Variants in ETV6 observed in about 807,000 individuals in gnomAD.
The protein encoded by ETV6 is transcription factor ETV6.
A neutral mutation model predicts 51.1 loss-of-function variants in ETV6; 16 were observed. The ratio of observed to expected loss-of-function variants is 0.31; its 90% confidence interval spans 0.21 to 0.48. The LOEUF is 0.48. Ranked by LOEUF, ETV6 falls within the 20% of genes least tolerant of loss-of-function variation. ETV6 has a pLI of 0.99. For synonymous variants in ETV6, 240 were observed against 224.1 expected, an observed-to-expected ratio of 1.07 and a Z score of -0.64; for missense variants, 458 against 594.8, an observed-to-expected ratio of 0.77 and a Z score of 2.39.
intron 1 of ETV6, among the ~76,000 whole-genome samples, chr12:11,675,913 GAA>G (rs2120720405): frequency 6.6e-6 from 1 of 152,088 alleles, no homozygotes; most frequent in African/African-American, 2.4e-5. Context: ...AAAAGGGAGA[GAA>G]ATTGATGCAG....
Position 11,744,461 on chromosome 12 carries a change from C to G in ETV6, c.34-7989C>G, listed in dbSNP as rs139849834. On this transcript the variant is annotated intron_variant, in intron 1 of 7. Transcript: ENST00000396373. ...AAAAGGTGGATCACAAGCTTAGAGG[C>G]ATTGCTGGATAAATTCAACAGCAAG... is the stretch of plus-strand genomic sequence containing the variant. Among the ~76,000 whole-genome samples the G allele has an allele frequency of 2.6e-5, 4 of 152,324 alleles. No individual in the cohort carries two copies. The East Asian group carries it at 7.7e-4, about 29-fold the overall frequency.
intron 2 of ETV6, among the ~76,000 whole-genome samples, chr12:11,813,105 G>GCCAA (rs1350140984): frequency 6.6e-6 from 1 of 152,262 alleles, no homozygotes; most frequent in Non-Finnish European, 1.5e-5. Flanking sequence ...GCCAGCCGGA[G>GCCAA]CCAACAGCTT....
At chr12:11,770,262 C>A (rs1048632733) in intron 2 of ETV6, among the ~76,000 whole-genome samples, 6 of 152,090 alleles carry the variant, frequency 3.9e-5, no homozygotes, top group African/African-American at 2.4e-5. Context: ...TGCCTTCTCA[C>A]GTGCCTGACA....
intron 2 of ETV6, among the ~76,000 whole-genome samples, chr12:11,819,940 T>C (rs1382488465): frequency 1.3e-5 from 2 of 152,246 alleles, no homozygotes; most frequent in African/African-American, 2.4e-5. Flanking sequence ...TGACTCCTTG[T>C]AGCCTTAGGA....
intron 2 of ETV6, among the ~76,000 whole-genome samples, chr12:11,805,405 T>G (rs1440946096): frequency 6.6e-6 from 1 of 152,198 alleles, no homozygotes; most frequent in East Asian, 1.9e-4. Flanking sequence ...TCTATCTGGT[T>G]TAGTGGGACG....
At chr12:11,659,612 C>T (rs1864062177) in intron 1 of ETV6, among the ~76,000 whole-genome samples, 1 of 152,174 alleles carries the variant, frequency 6.6e-6, no homozygotes, top group Non-Finnish European at 1.5e-5. Flanking sequence ...CTTACGTCCC[C>T]TATACGTAAG....
At chr12:11,885,452 C>T (rs1270400284) in intron 6 of ETV6, among the ~76,000 whole-genome samples, 1 of 152,168 alleles carries the variant, frequency 6.6e-6, no homozygotes, top group Non-Finnish European at 1.5e-5. Context: ...GCTTCCACAA[C>T]AGGAATTTAA....
intron 1 of ETV6, among the ~76,000 whole-genome samples, chr12:11,713,675 C>T (rs866404617): frequency 1.5e-4 from 23 of 152,192 alleles, no homozygotes; most frequent in Admixed American, 3.9e-4. Context: ...TCTGCTCTCA[C>T]GTTCTGTTGC....
chr12:11,661,696 T>C (rs1565476824), intron 1 of ETV6, among the ~76,000 whole-genome samples: 1 of 152,218 alleles, frequency 6.6e-6, no homozygotes, highest in Non-Finnish European at 1.5e-5. Context: ...GCTGATACTT[T>C]CGGGTGAGGT....
intron 3 of ETV6, among the ~76,000 whole-genome samples, chr12:11,850,742 C>T (rs1191946023): frequency 6.6e-6 from 1 of 152,240 alleles, no homozygotes; most frequent in Non-Finnish European, 1.5e-5. Flanking sequence ...CATTAAAGGG[C>T]ATGCCCGAGG....
At chr12:11,822,824 C>T (rs1946099964) in intron 2 of ETV6, among the ~76,000 whole-genome samples, 1 of 152,220 alleles carries the variant, frequency 6.6e-6, no homozygotes, top group South Asian at 2.1e-4. Context: ...TTCCTGGAAG[C>T]TGGGCTTGGC....
At chr12:11,771,845 A>G (rs1945245612) in intron 2 of ETV6, among the ~76,000 whole-genome samples, 1 of 152,214 alleles carries the variant, frequency 6.6e-6, no homozygotes, top group Admixed American at 6.5e-5. Flanking sequence ...GCAAAGAACT[A>G]TATTGCAGTG....
At chr12:11,660,042 A>G (rs1864071108) in intron 1 of ETV6, among the ~76,000 whole-genome samples, 2 of 152,248 alleles carry the variant, frequency 1.3e-5, no homozygotes, top group East Asian at 3.8e-4. Context: ...GTGTATTTCA[A>G]AATAACTAGA....
intron 1 of ETV6, among the ~76,000 whole-genome samples, chr12:11,739,197 C>A (rs921914674): frequency 9.2e-5 from 14 of 152,142 alleles, no homozygotes; most frequent in African/African-American, 3.1e-4. Flanking sequence ...ACCTTCATGC[C>A]CTGTGTCCTC....
intron 1 of ETV6, among the ~76,000 whole-genome samples, chr12:11,677,933 C>A (rs544348063): frequency 5.5e-4 from 84 of 152,340 alleles, no homozygotes; most frequent in African/African-American, 1.8e-3. Context: ...GTAGGTGCTT[C>A]CCCTCGTGCA....
chr12:11,854,219 A>G (rs1435883741), intron 4 of ETV6, among the ~76,000 whole-genome samples: 2 of 151,802 alleles, frequency 1.3e-5, no homozygotes, highest in South Asian at 2.1e-4. Context: ...TTGTGCTTCT[A>G]TGAGAATCTA....
intron 5 of ETV6, among the ~76,000 whole-genome samples, chr12:11,882,746 A>G (rs1947118355): frequency 7.1e-6 from 1 of 140,152 alleles, no homozygotes; most frequent in South Asian, 2.5e-4. Flanking sequence ...AAGCGTGTCC[A>G]GGGTGGCCCA....
intron 4 of ETV6, among the ~76,000 whole-genome samples, chr12:11,864,074 G>C (rs1354801471): frequency 6.6e-6 from 1 of 152,242 alleles, no homozygotes; most frequent in Non-Finnish European, 1.5e-5. Context: ...TGAGTCCAAA[G>C]TAAAATCTGA....
intron 2 of ETV6, among the ~76,000 whole-genome samples, chr12:11,837,144 C>T (rs1946328953): frequency 1.3e-5 from 2 of 152,140 alleles, no homozygotes; most frequent in African/African-American, 2.4e-5. Context: ...TGGTACTTCC[C>T]ATATCCATGG....
Sources: gnomAD v4.1 joint callset for allele counts (sites outside exome capture counted in the v4.1 genomes callset) on GRCh38, gnomAD v4.1.1 for gene constraint, MANE v1.5 for transcripts, NCBI Gene and HGNC (gene_info 2026-07-23, HGNC 2026-07-21) for gene names.